GATA6: variants seen among roughly 807,000 people sequenced by gnomAD.
GATA6 encodes GATA binding protein 6, also known as transcription factor GATA-6.
A neutral mutation model predicts 48.1 loss-of-function variants in GATA6; 11 were observed. That is an observed-to-expected ratio of 0.23 (90% CI 0.14 to 0.38). GATA6 has a LOEUF of 0.38. Ranked by LOEUF, GATA6 falls within the 10% of genes least tolerant of loss-of-function variation. The pLI, the probability that GATA6 is intolerant of heterozygous loss-of-function variation, is 1.00. For synonymous variants in GATA6, 419 were observed against 396.1 expected (o/e 1.06, Z -0.69); for missense variants, 795 against 850.3 (o/e 0.93, Z 0.81).
chr18:22,191,032 C>CGTGTGTGT (rs57925913), intron 6 of GATA6, among the ~76,000 whole-genome samples: 29 of 121,202 alleles, frequency 2.4e-4, no homozygotes, highest in East Asian at 4.8e-4. Context: ...TTTTAAATCT[C>CGTGTGTGT]GTGTGTGTGT....
rs756357344 is a variant in GATA6 at position 22,182,749 on chromosome 18, T to A, written c.1429-8T>A. 3.1e-6 allele frequency: 5 copies of A among 1,608,144 alleles called. No homozygotes were observed. The South Asian group carries it at 5.5e-5, about 18-fold the overall frequency. On this transcript the variant is annotated splice_region_variant and splice_polypyrimidine_tract_variant and intron_variant, in intron 4 of 6. Coordinates refer to ENST00000269216, the MANE Select transcript of GATA6 (RefSeq NM_005257.6). Reference sequence around the variant, plus strand: ...ATTAAATTTATGGCCTATGTGAAAATTTTTTAGGTGCCCAGACCACTTGCT... The same window carrying A: ...ATTAAATTTATGGCCTATGTGAAAAATTTTTAGGTGCCCAGACCACTTGCT...
chr18:22,181,931 T>A (rs2033201799), intron 4 of GATA6, among the ~76,000 whole-genome samples: 1 of 152,168 alleles, frequency 6.6e-6, no homozygotes, highest in Admixed American at 6.5e-5. Flanking sequence ...TTTTTAAAAA[T>A]GCACAATTAA....
Position 22,201,931 on chromosome 18 carries a change from C to T in GATA6, c.*1108C>T, listed in dbSNP as rs892053766. 3 of 151,924 alleles carry T rather than the reference C, an allele frequency of 2.0e-5. No individual in the cohort carries two copies. Among genetic ancestry groups the T allele is most frequent in the Admixed American group, 2.0e-4 (3 of 15,248 alleles). 9.4% of individuals were successfully genotyped at this position (151,924 alleles called of 1,614,324 possible). A position where few individuals can be genotyped will look rare whatever the true frequency, so the allele number is the denominator to read the frequency against. On this transcript the variant is annotated 3_prime_UTR_variant, in exon 7 of 7. Transcript: ENST00000269216. The stretch of plus-strand genomic sequence containing the variant: ...TTTTGAATGGGATGTCCTATGGAAA[C>T]CTATTTCACCAGAGTTTTAAAAATA...
In GATA6 at chr18:22,171,502, C is replaced by T. The variant is rs1277769195; in HGVS notation, c.358C>T (p.Gln120Ter). The change falls in exon 2 of 7, where the codon CAA (glutamine) becomes TAA (stop). Residue 120 changes from glutamine to a stop codon, truncating the protein, a stop_gained. Coordinates refer to ENST00000269216, the MANE Select transcript of GATA6 (RefSeq NM_005257.6). LOFTEE classifies it high-confidence loss of function. The surrounding 1 kb of genome is among the most constrained non-coding windows in gnomAD (Gnocchi z 7.1). ...CTTGCTGCTGTTCACTGACCTCGAC[C>T]AAGCCGCGACCGCCAGCAAGCTGCT... ...EDLLLFTDLD[Q>*]AATASKLLWS... is the part of the protein sequence containing the mutation. 5.0e-6 allele frequency: 8 copies of T among 1,602,550 alleles called. 1 individual carries two copies. Among genetic ancestry groups the T allele is most frequent in the South Asian group, 2.2e-5 (2 of 91,056 alleles).
intron 4 of GATA6, among the ~76,000 whole-genome samples, chr18:22,182,554 C>T (rs182048061): frequency 1.7e-3 from 260 of 152,180 alleles, no homozygotes; most frequent in African/African-American, 5.6e-3. Flanking sequence ...GACGGGGTTT[C>T]GTCATGTTGG....
intron 4 of GATA6, 112 bp downstream of exon 4, chr18:22,181,690 A>G: frequency 9.3e-7 from 1 of 1,073,778 alleles, no homozygotes; most frequent in South Asian, 1.3e-5. Flanking sequence ...ATTTGAATGC[A>G]TATAATTTAT....
Position 22,200,973 on chromosome 18 carries a change from C to CT in GATA6, c.*152dup. Reference sequence around the variant, plus strand: ...TGAAAGAGATGTTTTTCCCAAGAGGCTTGCTGAAAGAGTGAGAGAAGATGG... The same window carrying CT: ...TGAAAGAGATGTTTTTCCCAAGAGGCTTTGCTGAAAGAGTGAGAGAAGATGG... On this transcript the variant is annotated 3_prime_UTR_variant, in exon 7 of 7. Coordinates refer to ENST00000269216, the MANE Select transcript of GATA6 (RefSeq NM_005257.6). The CT allele has an allele frequency of 4.1e-6, 4 of 969,458 alleles. No individual in the cohort carries two copies. Among genetic ancestry groups the CT allele is most frequent in the Non-Finnish European group, 6.0e-6 (4 of 662,982 alleles). The allele number at this position is 969,458 out of a possible 1,614,324, so 60.1% of individuals were successfully genotyped here.
rs777719612 is a variant in GATA6, at chr18:22,182,819, C to T, written c.1491C>T (p.Asn497=). ...GIQTRKRKPK[N]INKSKTCSGN... Reference sequence around the variant, plus strand: ...AAACCAGGAAACGAAAACCTAAGAACATAAATAAATCAAAGACTTGCTCTG... The same window carrying T: ...AAACCAGGAAACGAAAACCTAAGAATATAAATAAATCAAAGACTTGCTCTG... Residue 497 remains asparagine, a synonymous_variant, in exon 5 of 7, where the codon AAC becomes AAT. Coordinates refer to ENST00000269216, the MANE Select transcript of GATA6 (RefSeq NM_005257.6). 1.2e-6 allele frequency: 2 copies of T among 1,613,872 alleles called. No individual in the cohort carries two copies.
rs747737834 is a variant in GATA6, at chr18:22,171,371, G to T, written c.227G>T (p.Arg76Leu). The T allele has an allele frequency of 1.9e-6, 3 of 1,583,100 alleles. No individual in the cohort carries two copies. Among genetic ancestry groups the T allele is most frequent in the South Asian group, 2.2e-5 (2 of 89,310 alleles). The stretch of plus-strand genomic sequence containing the variant: ...GAGGCGGCGGCCGGACCCCCGGCCC[G>T]CTCGCTGCTGCTCAGTTCCTACGCT... Reference protein sequence around the residue: ...DTEAAAGPPARSLLLSSYASH... With the variant: ...DTEAAAGPPALSLLLSSYASH... The change falls in exon 2 of 7, where the codon CGC becomes CTC. Residue 76 changes from arginine to leucine, a missense_variant. Around this residue, in one of 5 missense-constraint regions of GATA6, gnomAD observed 591 missense variants for 570.0 expected, o/e 1.04. Coordinates refer to ENST00000269216, the MANE Select transcript of GATA6 (RefSeq NM_005257.6). This position sits in a 1 kb window ranked among gnomAD's most constrained non-coding sequence, Gnocchi z 7.1.
In GATA6 at chr18:22,171,096, A is replaced by C; in HGVS notation, c.-37-12A>C. 1 of 1,544,570 alleles carries C rather than the reference A, an allele frequency of 6.5e-7. No individual in the cohort carries two copies. The highest frequency in any genetic ancestry group is 8.8e-7 in the Non-Finnish European group (1 of 1,133,062). ...ATCTCCTACCATACCCGTCTCCCCCACCCCACCTCAGGAGCTAGACGTCAG... is the reference window on the plus strand; with the variant it reads ...ATCTCCTACCATACCCGTCTCCCCCCCCCCACCTCAGGAGCTAGACGTCAG... On this transcript the variant is annotated splice_polypyrimidine_tract_variant and intron_variant, in intron 1 of 6. Transcript: ENST00000269216. This position sits in a 1 kb window ranked among gnomAD's most constrained non-coding sequence, Gnocchi z 7.1.
intron 3 of GATA6, among the ~76,000 whole-genome samples, chr18:22,179,501 C>T (rs577380688): frequency 3.3e-5 from 5 of 152,262 alleles, no homozygotes; most frequent in Admixed American, 3.3e-4. Context: ...GTCATAAAGT[C>T]CTTTGTTATA....
chr18:22,183,004 C>G lies in GATA6; in HGVS notation c.1581C>G (p.Ser527Arg), dbSNP rs748888875. Residue 527 changes from serine to arginine, a missense_variant, in exon 6 of 7, where the codon AGC (serine) becomes AGG (arginine). Physicochemically the swap from Ser to Arg is moderately radical, Grantham distance 110 (BLOSUM62 -1). Transcript: ENST00000269216. ...TSTSSNSDDC[S>R]KNTSPTTQPT... is the part of the protein sequence containing the mutation. ...CCTCTTCTAACTCAGATGATTGCAG[C>G]AAAAATACTTCCCCCACAACACAAC... 1 of 1,614,024 alleles carries G rather than the reference C, an allele frequency of 6.2e-7. No individual in the cohort carries two copies. Among genetic ancestry groups the G allele is most frequent in the Admixed American group, 1.7e-5 (1 of 60,018 alleles).
chr18:22,182,591 C>G (rs541994791), intron 4 of GATA6, among the ~76,000 whole-genome samples, 166 bp from the exon 5 acceptor site: 39 of 152,300 alleles, frequency 2.6e-4, no homozygotes, highest in African/African-American at 8.9e-4. Context: ...CTCCTGACCT[C>G]AGGTGATCTG....
chr18:22,183,700 A>G (rs1003223923), intron 6 of GATA6, among the ~76,000 whole-genome samples: 1 of 152,236 alleles, frequency 6.6e-6, no homozygotes, highest in Admixed American at 6.5e-5. Flanking sequence ...TGAGGATCAC[A>G]GACTTAGTTT....
chr18:22,185,457 T>C lies in GATA6; in HGVS notation c.1620+2414T>C, dbSNP rs77996327. 0.019 allele frequency among the ~76,000 whole-genome samples: 2,920 copies of C among 152,266 alleles called. 109 individuals are homozygous for C. Among genetic ancestry groups the C allele is most frequent in the African/African-American group, 0.065 (2,707 of 41,534 alleles). On this transcript the variant is annotated intron_variant, in intron 6 of 6. Transcript: ENST00000269216. This position sits in a 1 kb window ranked among gnomAD's most constrained non-coding sequence, Gnocchi z 4.3. Reference sequence around the variant, plus strand: ...TGGTGTGAGCTGCAGCCAGGGGGCATCTCTCCGAGCTCTCCAGCCTCTGGG... The same window carrying C: ...TGGTGTGAGCTGCAGCCAGGGGGCACCTCTCCGAGCTCTCCAGCCTCTGGG...
chr18:22,199,900 CAA>C (rs35638046), intron 6 of GATA6, among the ~76,000 whole-genome samples: 1,642 of 68,310 alleles, frequency 0.024, 24 homozygotes, highest in African/African-American at 0.073. Context: ...GACTCTGTTT[CAA>C]AAAAAAAAAA....
Position 22,200,610 on chromosome 18 carries a change from G to T in GATA6, c.1621-46G>T, listed in dbSNP as rs779197533. ...GTATTTCACTACCAGGATTGTAACC[G>T]CTTCTCACCTTCTCGTCTCTCCTCT... On this transcript the variant is annotated intron_variant, in intron 6 of 6. Transcript: ENST00000269216. 3.1e-6 allele frequency: 5 copies of T among 1,612,038 alleles called. No individual in the cohort carries two copies. In the Admixed American group the frequency reaches 5.0e-5, roughly 16 times the overall value.
At position 22,177,944 on chromosome 18, in the gene GATA6, G is replaced by GTTTTTTTTTTTTTTTTTTTTTTTTTTTTT. The variant is rs979067151; in HGVS notation, c.1302+830_1302+831insTTTTTTTTTTTTTTTTTTTTTTTTTTTTT. Among the ~76,000 whole-genome samples the GTTTTTTTTTTTTTTTTTTTTTTTTTTTTT allele has an allele frequency of 7.7e-5, 6 of 77,886 alleles. 2 individuals carry two copies. Among genetic ancestry groups the GTTTTTTTTTTTTTTTTTTTTTTTTTTTTT allele is most frequent in the African/African-American group, 3.8e-4 (6 of 15,882 alleles). The allele number at this position is 77,886 out of a possible 152,430, so 51.1% of individuals were successfully genotyped here. On this transcript the variant is annotated intron_variant, in intron 3 of 6. Transcript: ENST00000269216. Reference sequence around the variant, plus strand: ...TTCCCCAATTCGCACACGTTTTACTGTTTTTTTGTTTTTTTTTTTTTTTTT... The same window carrying GTTTTTTTTTTTTTTTTTTTTTTTTTTTTT: ...TTCCCCAATTCGCACACGTTTTACTGTTTTTTTTTTTTTTTTTTTTTTTTTTTTTTTTTTTTGTTTTTTTTTTTTTTTTT...
chr18:22,195,835 C>T (rs543609351), intron 6 of GATA6, among the ~76,000 whole-genome samples: 8 of 152,316 alleles, frequency 5.3e-5, no homozygotes, highest in African/African-American at 1.4e-4. Context: ...TTTTCTAAAC[C>T]GTTCCCATAT....
Sources: allele counts gnomAD v4.1 joint callset (sites outside exome capture counted in the v4.1 genomes callset), GRCh38; gene constraint gnomAD v4.1.1; regional missense constraint gnomAD v4.1.1; non-coding constraint Gnocchi (gnomAD v3.1); transcripts MANE v1.5; gene names NCBI Gene and HGNC (gene_info 2026-07-23, HGNC 2026-07-21).